LRRIQ1: variants seen among roughly 807,000 people sequenced by gnomAD.
LRRIQ1 encodes the protein leucine rich repeats and IQ motif containing 1, also known as leucine-rich repeat- and IQ domain-containing protein 1.
LRRIQ1 carries 210 observed loss-of-function variants against 211.9 expected under a neutral mutation model. The ratio of observed to expected loss-of-function variants is 0.99; its 90% CI spans 0.89 to 1.11. The LOEUF (loss-of-function observed/expected upper bound fraction) is 1.11. Ranked by LOEUF, LRRIQ1 falls within the 50% of genes most tolerant of loss-of-function variation. The pLI, the probability that LRRIQ1 is intolerant of heterozygous loss-of-function variation, is 0.00. For synonymous variants in LRRIQ1, 699 were observed against 650.1 expected (o/e 1.08, Z -1.14); for missense variants, 2,136 against 1,939.5 (o/e 1.10, Z -1.90).
Position 85,187,539 on chromosome 12 carries a change from G to A in LRRIQ1, c.4822+26825G>A, listed in dbSNP as rs375719751. ...GAAAGTGGGTCAGCCGGGCGCGGTG[G>A]TTCACGCCTGTAATCCCAGCACTTT... On this transcript the variant is annotated intron_variant, in intron 24 of 26. Transcript: ENST00000393217. Among the ~76,000 whole-genome samples, 6 of 152,154 alleles carry A rather than the reference G, an allele frequency of 3.9e-5. No individual in the cohort carries two copies. The South Asian group carries it at 8.3e-4, about 21-fold the overall frequency.
chr12:85,154,926 T>A lies in LRRIQ1; in HGVS notation c.4720+832T>A, dbSNP rs548807978. Among the ~76,000 whole-genome samples the A allele has an allele frequency of 2.6e-5, 4 of 151,340 alleles. No homozygotes were observed. In the South Asian group the frequency reaches 6.2e-4, roughly 24 times the overall value. Reference sequence around the variant, plus strand: ...TTTCCTATAGATCTAGCTTATGTAATCATATGAAAAAATATTTCATAAAAC... The same window carrying A: ...TTTCCTATAGATCTAGCTTATGTAAACATATGAAAAAATATTTCATAAAAC... On this transcript the variant is annotated intron_variant, in intron 23 of 26. Transcript: ENST00000393217.
chr12:85,072,591 G>A (rs28581800), intron 10 of LRRIQ1, among the ~76,000 whole-genome samples: 34,994 of 150,208 alleles, frequency 0.23, 4,584 homozygotes, highest in African/African-American at 0.33. Flanking sequence ...TGTTACTGCC[G>A]TGCAATTTTA....
At chr12:85,044,343 A>T (rs1879268745) in intron 3 of LRRIQ1, among the ~76,000 whole-genome samples, 1 of 152,006 alleles carries the variant, frequency 6.6e-6, no homozygotes, top group African/African-American at 2.4e-5. Flanking sequence ...AAATGTTTTC[A>T]ATATCTTGTG....
intron 11 of LRRIQ1, among the ~76,000 whole-genome samples, chr12:85,095,735 G>A (rs1158098559): frequency 1.3e-5 from 2 of 152,110 alleles, no homozygotes; most frequent in African/African-American, 2.4e-5. Context: ...TCCTGGTACT[G>A]TATAATTCAG....
At chr12:85,126,799 CCTTT>C (rs984425793) in intron 17 of LRRIQ1, among the ~76,000 whole-genome samples, 1 of 151,120 alleles carries the variant, frequency 6.6e-6, no homozygotes, top group Non-Finnish European at 1.5e-5. Context: ...CTTCATAATT[CCTTT>C]CTAATTTCCC....
At chr12:85,072,877 A>AT (rs1473415050) in intron 10 of LRRIQ1, 30 bp from the exon 11 acceptor site, 1 of 1,517,910 alleles carries the variant, frequency 6.6e-7, no homozygotes, top group East Asian at 2.3e-5. Flanking sequence ...CGTCTTATAT[A>AT]TTTGGTCTTA....
intron 6 of LRRIQ1, among the ~76,000 whole-genome samples, chr12:85,051,330 C>A (rs1381456224): frequency 1.3e-5 from 2 of 152,144 alleles, no homozygotes; most frequent in Non-Finnish European, 2.9e-5. Context: ...ATTAAATAAA[C>A]CTCTTTTCTT....
At chr12:85,155,990 G>A (rs1017391756) in intron 23 of LRRIQ1, among the ~76,000 whole-genome samples, 1 of 151,670 alleles carries the variant, frequency 6.6e-6, no homozygotes, top group South Asian at 2.1e-4. Flanking sequence ...TCACAAGGGG[G>A]CATGACAGGG....
At chr12:85,224,854 T>C (rs1894573512) in intron 24 of LRRIQ1, among the ~76,000 whole-genome samples, 1 of 152,114 alleles carries the variant, frequency 6.6e-6, no homozygotes, top group Non-Finnish European at 1.5e-5. Flanking sequence ...CTGCACATTC[T>C]GCACATGTAT....
In LRRIQ1 at chr12:85,214,849, C is replaced by T. The variant is rs142294288; in HGVS notation, c.4823-14668C>T. 4.1e-3 allele frequency among the ~76,000 whole-genome samples: 618 copies of T among 151,942 alleles called. 3 individuals are homozygous for T. Among genetic ancestry groups the T allele is most frequent in the African/African-American group, 0.014 (584 of 41,456 alleles). On this transcript the variant is annotated intron_variant, in intron 24 of 26. Transcript: ENST00000393217. ...TACTAGTCATATTAATAAATATATA[C>T]GCATTATAGTTAAGAACCCACATAC...
intron 20 of LRRIQ1, 32 bp from the exon 21 acceptor site, chr12:85,152,992 A>G: frequency 1.4e-6 from 2 of 1,481,098 alleles, no homozygotes; most frequent in Non-Finnish European, 1.8e-6. Context: ...TTTTTATTTT[A>G]CTTCACACTT....
intron 15 of LRRIQ1, among the ~76,000 whole-genome samples, chr12:85,112,901 A>G (rs1887288675): frequency 6.6e-6 from 1 of 152,060 alleles, no homozygotes; most frequent in African/African-American, 2.4e-5. Context: ...CCTCTTATTT[A>G]ATTTATAATA....
rs1354379835 is a variant in LRRIQ1, at chr12:85,056,062, C to T, written c.1269C>T (p.Ala423=). 3 of 1,594,168 alleles carry T rather than the reference C, an allele frequency of 1.9e-6. No homozygotes were observed. Among genetic ancestry groups the T allele is most frequent in the East Asian group, 2.3e-5 (1 of 44,444 alleles). Residue 423 remains alanine, a synonymous_variant, in exon 8 of 27, where the codon GCC becomes GCT. Transcript: ENST00000393217. The part of the protein sequence containing the change: ...EDISNDKGDI[A]KNLVDENSKK... ...TTTCAAATGATAAGGGTGATATAGC[C>T]AAAAATCTAGTGGATGAAAATTCAA...
intron 24 of LRRIQ1, among the ~76,000 whole-genome samples, chr12:85,189,895 ATAT>A (rs1469681585): frequency 1.4e-5 from 2 of 144,072 alleles, no homozygotes; most frequent in African/African-American, 2.5e-5. Context: ...TATATATCAT[ATAT>A]TATATCTGTA....
intron 21 of LRRIQ1, 128 bp downstream of exon 21, chr12:85,153,273 A>G: frequency 1.0e-6 from 1 of 978,234 alleles, no homozygotes; most frequent in Non-Finnish European, 1.5e-6. Flanking sequence ...ATTTAGTGTT[A>G]AAAACATCAT....
intron 24 of LRRIQ1, among the ~76,000 whole-genome samples, chr12:85,228,939 A>G (rs1252457317): frequency 6.6e-6 from 1 of 152,192 alleles, no homozygotes; most frequent in Non-Finnish European, 1.5e-5. Flanking sequence ...TATGAAGCCA[A>G]CAAGCCCTAA....
chr12:85,086,700 A>G (rs1884860496), intron 11 of LRRIQ1, among the ~76,000 whole-genome samples: 1 of 151,408 alleles, frequency 6.6e-6, no homozygotes, highest in Admixed American at 6.6e-5. Flanking sequence ...TTGTGTAGAT[A>G]CAGTTGATGA....
chr12:85,253,997 G>C (rs1329427753), intron 1 of LRRIQ1, among the ~76,000 whole-genome samples: 2 of 151,986 alleles, frequency 1.3e-5, no homozygotes. Flanking sequence ...CACAGGGGAG[G>C]ATTACTCATG....
intron 24 of LRRIQ1, among the ~76,000 whole-genome samples, chr12:85,182,003 TTA>T (rs1420765918): frequency 1.2e-4 from 18 of 152,156 alleles, no homozygotes; most frequent in African/African-American, 4.3e-4. Context: ...CTTTCTATTG[TTA>T]TATGTGTCAG....
Sources: allele counts gnomAD v4.1 joint callset (sites outside exome capture counted in the v4.1 genomes callset), GRCh38; gene constraint gnomAD v4.1.1; transcripts MANE v1.5; gene names NCBI Gene and HGNC (gene_info 2026-07-23, HGNC 2026-07-21).